The following CDH4 variants were observed in gnomAD, a reference collection of about 807,000 sequenced individuals.
CDH4 encodes the protein cadherin-4.
CDH4 carries 33 observed loss-of-function variants against 86.0 expected under a neutral mutation model. That is an observed-to-expected ratio of 0.38 (90% CI 0.29 to 0.51). CDH4 has a LOEUF of 0.51. CDH4 is among the 20% of genes least tolerant of loss of function. The pLI is 0.86. For synonymous variants in CDH4, 555 were observed against 549.4 expected, an observed-to-expected ratio of 1.01 and a Z score of -0.14; for missense variants, 1,114 against 1,307.4, an observed-to-expected ratio of 0.85 and a Z score of 2.28.
At chr20:61,456,925 A>G (rs558844828) in intron 2 of CDH4, among the ~76,000 whole-genome samples, 2 of 152,354 alleles carry the variant, frequency 1.3e-5, no homozygotes, top group Non-Finnish European at 2.9e-5. Flanking sequence ...AGAAGCTTGG[A>G]TTCACAATGG....
At chr20:61,595,815 G>A (rs184073717) in intron 2 of CDH4, among the ~76,000 whole-genome samples, 23 of 152,314 alleles carry the variant, frequency 1.5e-4, no homozygotes, top group Non-Finnish European at 2.6e-4. Flanking sequence ...TGGGAAAGAT[G>A]AACTATCAGG....
chr20:61,277,753 G>T (rs2084238423), intron 2 of CDH4, among the ~76,000 whole-genome samples: 2 of 152,216 alleles, frequency 1.3e-5, no homozygotes, highest in Admixed American at 1.3e-4. Flanking sequence ...GGCCATGTTG[G>T]CATCAGGTAT....
In CDH4 at chr20:61,518,767, A is replaced by T. The variant is rs2085845197; in HGVS notation, c.170-224796A>T. ...CATCCATCCATTCGTACATCCACCC[A>T]TCATCCATCCTTTCATCCATCATTC... On this transcript the variant is annotated intron_variant, in intron 2 of 15. Transcript: ENST00000614565. The surrounding 1 kb of genome is among the most constrained non-coding windows in gnomAD (Gnocchi z 6.3). 6.7e-6 allele frequency among the ~76,000 whole-genome samples: 1 copy of T among 150,218 alleles called. No individual in the cohort carries two copies. Among genetic ancestry groups the T allele is most frequent in the Admixed American group, 6.6e-5 (1 of 15,128 alleles).
intron 2 of CDH4, among the ~76,000 whole-genome samples, chr20:61,459,501 A>G (rs866306720): frequency 1.4e-5 from 2 of 143,550 alleles, no homozygotes; most frequent in African/African-American, 2.5e-5. Flanking sequence ...TTGGCCATTC[A>G]CCAAGCTCTC....
intron 2 of CDH4, among the ~76,000 whole-genome samples, chr20:61,666,013 G>A (rs976796087): frequency 2.0e-5 from 3 of 152,270 alleles, no homozygotes; most frequent in African/African-American, 4.8e-5. Context: ...GACTCCAAAC[G>A]CTGACCCTGG....
intron 15 of CDH4, 103 bp downstream of exon 15, chr20:61,934,323 C>A: frequency 7.7e-7 from 1 of 1,306,448 alleles, no homozygotes; most frequent in South Asian, 1.6e-5. Flanking sequence ...CGGCGGCTGC[C>A]GTGGGTGGGA....
chr20:61,376,804 C>G (rs2084875257), intron 2 of CDH4, among the ~76,000 whole-genome samples: 1 of 152,222 alleles, frequency 6.6e-6, no homozygotes. Context: ...TTCAGAGACA[C>G]AGGTGAATGG....
At chr20:61,268,399 A>G (rs1372045121) in intron 2 of CDH4, among the ~76,000 whole-genome samples, 2 of 152,284 alleles carry the variant, frequency 1.3e-5, no homozygotes, top group Non-Finnish European at 2.9e-5. Context: ...GGGGAGGCCC[A>G]GGCCAACAGG....
intron 2 of CDH4, among the ~76,000 whole-genome samples, chr20:61,491,401 G>C (rs1189034366): frequency 1.3e-5 from 2 of 152,208 alleles, no homozygotes; most frequent in East Asian, 3.8e-4. Context: ...TGAGCAGGCT[G>C]TGTATGACTC....
chr20:61,374,556 A>G (rs1360243506), intron 2 of CDH4, among the ~76,000 whole-genome samples: 2 of 152,226 alleles, frequency 1.3e-5, no homozygotes, highest in African/African-American at 4.8e-5. Context: ...GGATGACGGT[A>G]GTACCGATCT....
intron 2 of CDH4, among the ~76,000 whole-genome samples, chr20:61,548,121 A>G (rs903188322): frequency 6.6e-6 from 1 of 152,140 alleles, no homozygotes; most frequent in African/African-American, 2.4e-5. Flanking sequence ...GTGGGGCTGG[A>G]GGTCCAGTCA....
intron 4 of CDH4, among the ~76,000 whole-genome samples, chr20:61,820,957 TC>T (rs1257270332): frequency 6.6e-6 from 1 of 152,056 alleles, no homozygotes; most frequent in East Asian, 1.9e-4. Context: ...TCCTGTTGTG[TC>T]CTGGGCTCCA....
At chr20:61,607,414 G>A (rs2086653884) in intron 2 of CDH4, among the ~76,000 whole-genome samples, 1 of 152,022 alleles carries the variant, frequency 6.6e-6, no homozygotes, top group Non-Finnish European at 1.5e-5. Context: ...TACACTTGAT[G>A]TCTCATACCC....
At chr20:61,471,665 A>G (rs146346540) in intron 2 of CDH4, among the ~76,000 whole-genome samples, 288 of 151,936 alleles carry the variant, frequency 1.9e-3, no homozygotes, top group Non-Finnish European at 2.7e-3. Flanking sequence ...CTTCCCTCTT[A>G]GTACTACTTT....
intron 2 of CDH4, among the ~76,000 whole-genome samples, chr20:61,552,480 A>G (rs913182042): frequency 2.0e-5 from 3 of 152,336 alleles, no homozygotes; most frequent in East Asian, 1.9e-4. Flanking sequence ...TGGGCGGATC[A>G]CCTGAGGTCA....
chr20:61,346,779 G>A (rs2084681558), intron 2 of CDH4, among the ~76,000 whole-genome samples: 1 of 150,866 alleles, frequency 6.6e-6, no homozygotes, highest in African/African-American at 2.4e-5. Flanking sequence ...GCTGTGGCAT[G>A]AGAATGGATT....
intron 2 of CDH4, among the ~76,000 whole-genome samples, chr20:61,319,930 G>C (rs533866553): frequency 6.7e-6 from 1 of 149,206 alleles, no homozygotes; most frequent in Admixed American, 6.8e-5. Flanking sequence ...ACTCCAGCCT[G>C]GGTGACAGAG....
intron 2 of CDH4, among the ~76,000 whole-genome samples, chr20:61,418,301 C>G (rs1168376135): frequency 6.6e-6 from 1 of 151,736 alleles, no homozygotes; most frequent in Non-Finnish European, 1.5e-5. Context: ...AGCTCCGCCT[C>G]CCGGGTTCAC....
intron 2 of CDH4, among the ~76,000 whole-genome samples, chr20:61,573,538 G>A (rs963137371): frequency 6.6e-6 from 1 of 152,204 alleles, no homozygotes. Context: ...GTCCCTGTTG[G>A]CATGTTTGGT....
Sources: gnomAD v4.1 joint callset for allele counts (sites outside exome capture counted in the v4.1 genomes callset) on GRCh38, gnomAD v4.1.1 for gene constraint, Gnocchi (gnomAD v3.1) non-coding constraint, MANE v1.5 for transcripts, NCBI Gene and HGNC (gene_info 2026-07-23, HGNC 2026-07-21) for gene names.